The following PRKG1 variants were observed in gnomAD, a reference collection of about 807,000 sequenced individuals.
PRKG1 encodes protein kinase cGMP-dependent 1, also known as cGMP-dependent protein kinase 1.
PRKG1 carries 35 observed loss-of-function variants against 88.1 expected under a neutral mutation model. The observed-to-expected ratio is 0.40, with a 90% CI of 0.30 to 0.53. The LOEUF (loss-of-function observed/expected upper bound fraction) is 0.53, where lower values mean the gene tolerates loss of function less well. Among genes scored for constraint, PRKG1 ranks in the 20% least tolerant of loss-of-function variants. The pLI, the probability that PRKG1 is intolerant of heterozygous loss-of-function variation, is 0.59. For missense variants in PRKG1, 540 were observed against 839.8 expected, an observed-to-expected ratio of 0.64 and a Z score of 4.41; for synonymous variants, 303 against 292.5, an observed-to-expected ratio of 1.04 and a Z score of -0.37.
intron 1 of PRKG1, among the ~76,000 whole-genome samples, chr10:51,090,586 T>C (rs1844375768): frequency 6.6e-6 from 1 of 152,166 alleles, no homozygotes; most frequent in Non-Finnish European, 1.5e-5. Context: ...GTTAAAAAAA[T>C]CATGAAAATA....
chr10:52,115,665 C>T (rs928679659), intron 7 of PRKG1, among the ~76,000 whole-genome samples: 11 of 152,074 alleles, frequency 7.2e-5, no homozygotes, highest in African/African-American at 2.7e-4. Context: ...TGTCACTGTG[C>T]TCACACCTTT....
At chr10:51,730,119 G>A (rs1055404305) in intron 3 of PRKG1, among the ~76,000 whole-genome samples, 8 of 152,182 alleles carry the variant, frequency 5.3e-5, no homozygotes, top group African/African-American at 1.7e-4. Context: ...CCCTTGTGGT[G>A]AAAATGAAAT....
chr10:51,318,322 A>G (rs1755279987), intron 2 of PRKG1, among the ~76,000 whole-genome samples: 1 of 152,192 alleles, frequency 6.6e-6, no homozygotes, highest in South Asian at 2.1e-4. Flanking sequence ...TAGGGATGTA[A>G]AATGAGGATG....
intron 4 of PRKG1, among the ~76,000 whole-genome samples, chr10:51,816,697 G>A (rs1043415413): frequency 2.0e-5 from 3 of 152,044 alleles, no homozygotes; most frequent in Non-Finnish European, 4.4e-5. Flanking sequence ...TGTATAATAA[G>A]TGATAGAATA....
At chr10:52,075,204 A>G (rs2133293206) in intron 7 of PRKG1, among the ~76,000 whole-genome samples, 1 of 152,368 alleles carries the variant, frequency 6.6e-6, no homozygotes, top group East Asian at 1.9e-4. Flanking sequence ...GGGAGTAGTT[A>G]CAGATAAATT....
chr10:51,508,060 C>T (rs1841279351), intron 3 of PRKG1, among the ~76,000 whole-genome samples: 1 of 152,032 alleles, frequency 6.6e-6, no homozygotes, highest in Non-Finnish European at 1.5e-5. Flanking sequence ...GATTCAAGTC[C>T]TAGCTTTGTC....
At chr10:52,205,803 T>C (rs750453015) in intron 9 of PRKG1, among the ~76,000 whole-genome samples, 29 of 152,198 alleles carry the variant, frequency 1.9e-4, no homozygotes, top group Non-Finnish European at 3.4e-4. Context: ...ATGGGATTCC[T>C]TTTGTAGGTG....
intron 4 of PRKG1, among the ~76,000 whole-genome samples, chr10:51,889,982 C>A (rs1339856654): frequency 2.0e-5 from 3 of 152,084 alleles, no homozygotes; most frequent in Non-Finnish European, 2.9e-5. Context: ...GAGTAGATTG[C>A]AAAAATTTTC....
chr10:51,703,031 T>C (rs1302669407), intron 3 of PRKG1, among the ~76,000 whole-genome samples: 1 of 152,134 alleles, frequency 6.6e-6, no homozygotes, highest in East Asian at 1.9e-4. Flanking sequence ...TGAAATTGCT[T>C]TGGGCCTTCA....
chr10:51,240,968 G>T (rs948962569), intron 2 of PRKG1, among the ~76,000 whole-genome samples: 3 of 152,158 alleles, frequency 2.0e-5, no homozygotes, highest in Admixed American at 1.3e-4. Flanking sequence ...GTTCTTGTAA[G>T]TTTAATTAAT....
intron 3 of PRKG1, among the ~76,000 whole-genome samples, chr10:51,577,611 G>A (rs1305677431): frequency 6.6e-6 from 1 of 151,956 alleles, no homozygotes; most frequent in Non-Finnish European, 1.5e-5. Context: ...CCACTTACAA[G>A]TCAGTTTTGT....
At chr10:50,995,505 G>A (rs1842828558) in intron 1 of PRKG1, among the ~76,000 whole-genome samples, 1 of 152,168 alleles carries the variant, frequency 6.6e-6, no homozygotes, top group African/African-American at 2.4e-5. Flanking sequence ...ACTGCAAGCT[G>A]TTTTGGATGA....
chr10:52,098,131 C>T (rs1187866855), intron 7 of PRKG1, among the ~76,000 whole-genome samples: 1 of 152,128 alleles, frequency 6.6e-6, no homozygotes, highest in Non-Finnish European at 1.5e-5. Flanking sequence ...TCAGCATGTA[C>T]TGAAAATACT....
intron 1 of PRKG1, among the ~76,000 whole-genome samples, chr10:51,054,973 CA>C (rs1564583229): frequency 6.6e-6 from 1 of 152,084 alleles, no homozygotes; most frequent in African/African-American, 2.4e-5. Flanking sequence ...CAGTAAATGC[CA>C]AATACTATTA....
rs190460017 is a variant in PRKG1, at chr10:51,963,249, T to G, written c.762+55679T>G. On this transcript the variant is annotated intron_variant, in intron 5 of 17. Coordinates refer to ENST00000373980, the MANE Select transcript of PRKG1 (RefSeq NM_006258.4). ...ACATGGCAACGAGGAGACCCAAATC[T>G]GCTGAAGATTCAAAAATAGGCAGTT... 8.2e-4 allele frequency among the ~76,000 whole-genome samples: 125 copies of G among 152,284 alleles called. 1 individual carries two copies. In the East Asian group the frequency reaches 0.022, roughly 27 times the overall value.
intron 2 of PRKG1, among the ~76,000 whole-genome samples, chr10:51,417,982 C>T (rs1564486203): frequency 6.6e-6 from 1 of 152,138 alleles, no homozygotes; most frequent in Non-Finnish European, 1.5e-5. Context: ...TTAACCTCCC[C>T]GCTCCAAAAG....
intron 2 of PRKG1, among the ~76,000 whole-genome samples, chr10:51,165,138 C>A (rs867864660): frequency 1.3e-5 from 2 of 152,158 alleles, no homozygotes; most frequent in East Asian, 1.9e-4. Context: ...GTGTTAAGGG[C>A]AGCCAGAGAG....
intron 5 of PRKG1, among the ~76,000 whole-genome samples, chr10:51,915,535 A>ATG (rs1177904020): frequency 3.0e-3 from 447 of 150,370 alleles, no homozygotes; most frequent in African/African-American, 0.01. Context: ...GAGTTGGAAG[A>ATG]TGTGTGTGTG....
At chr10:51,560,317 G>T (rs1589080906) in intron 3 of PRKG1, among the ~76,000 whole-genome samples, 1 of 152,186 alleles carries the variant, frequency 6.6e-6, no homozygotes, top group Non-Finnish European at 1.5e-5. Flanking sequence ...AAAAATCCAT[G>T]GCCTCTGCAC....
Sources: allele counts gnomAD v4.1 joint callset (sites outside exome capture counted in the v4.1 genomes callset), GRCh38; gene constraint gnomAD v4.1.1; transcripts MANE v1.5; gene names NCBI Gene and HGNC (gene_info 2026-07-23, HGNC 2026-07-21).